Variants in ACD observed in about 807,000 individuals in gnomAD.
The protein encoded by ACD is ACD shelterin complex subunit and telomerase recruitment factor, also known as adrenocortical dysplasia protein homolog.
ACD carries 39 observed loss-of-function variants against 53.9 expected under a neutral mutation model. That is an observed-to-expected ratio of 0.72 (90% CI 0.56 to 0.95). ACD has a LOEUF of 0.95. Among genes scored for constraint, ACD ranks in the 40% least tolerant of loss-of-function variants. ACD has a pLI of 0.00. For synonymous variants in ACD, 273 were observed against 249.2 expected, an observed-to-expected ratio of 1.10 and a Z score of -0.90; for missense variants, 526 against 587.9, an observed-to-expected ratio of 0.89 and a Z score of 1.09.
In ACD at chr16:67,659,978, G is replaced by A; in HGVS notation, c.167C>T (p.Ala56Val). Residue 56 changes from alanine to valine, a missense_variant, in exon 2 of 12, where the codon GCC (alanine) becomes GTC (valine). Physicochemically the swap from Ala to Val is moderately conservative, Grantham distance 64. Coordinates refer to ENST00000620761, the MANE Select transcript of ACD (RefSeq NM_001082486.2). ...GGTCCCGTCAGACACAAGCAGCGTG[G>A]CCCCGACGTCGGACGTATCAGGGGC... ...SHAPDTSDVGATLLVSDGTHS... is the reference protein window; with the variant it reads ...SHAPDTSDVGVTLLVSDGTHS... 6.2e-7 allele frequency: 1 copy of A among 1,609,006 alleles called. No individual in the cohort carries two copies. Among genetic ancestry groups the A allele is most frequent in the Non-Finnish European group, 8.5e-7 (1 of 1,179,020 alleles).
At chr16:67,658,394 C>A (rs766961464) in intron 9 of ACD, 32 bp from the exon 10 acceptor site, 43 of 1,612,612 alleles carry the variant, frequency 2.7e-5, no homozygotes, top group Non-Finnish European at 3.6e-5. Context: ...GTAGGCACAG[C>A]CCTCTCCGCT....
chr16:67,658,830 A>T lies in ACD; in HGVS notation c.646-14T>A. 6.2e-7 allele frequency: 1 copy of T among 1,604,164 alleles called. No homozygotes were observed. Among genetic ancestry groups the T allele is most frequent in the East Asian group, 2.2e-5 (1 of 44,606 alleles). ...CACAGCTTCTCCCTGTGGGACATGA[A>T]CTCTGTAGGACAGGCCCGTTTACTC... is the stretch of plus-strand genomic sequence containing the variant. On this transcript the variant is annotated splice_polypyrimidine_tract_variant and intron_variant, in intron 7 of 11. Coordinates refer to ENST00000620761, the MANE Select transcript of ACD (RefSeq NM_001082486.2).
chr16:67,659,877 C>A, intron 2 of ACD, 26 bp downstream of exon 2: 1 of 1,581,904 alleles, frequency 6.3e-7, no homozygotes, highest in Non-Finnish European at 8.6e-7. Flanking sequence ...GGACTCCGAC[C>A]TCCAGAGCCG....
At position 67,657,967 on chromosome 16, in the gene ACD, G is replaced by T. The variant is rs369838980; in HGVS notation, c.1206+19C>A. 3 of 1,585,978 alleles carry T rather than the reference G, an allele frequency of 1.9e-6. No individual in the cohort carries two copies. In the Admixed American group the frequency reaches 5.1e-5, roughly 27 times the overall value. On this transcript the variant is annotated intron_variant, in intron 10 of 11. Coordinates refer to ENST00000620761, the MANE Select transcript of ACD (RefSeq NM_001082486.2). The surrounding 1 kb of genome is among the most constrained non-coding windows in gnomAD (Gnocchi z 4.5). ...GCCTTCCTTGTTCTACCCTCCAGCT[G>T]CAGAGGGGCTATGCTCACCCAGACA...
At position 67,657,894 on chromosome 16, in the gene ACD, C is replaced by G; in HGVS notation, c.1207-41G>C. ...TGTCTGGGGAAGAGCTAACAAGGAC[C>G]CCAACCCCATCCAAGGCTACCCATG... is the stretch of plus-strand genomic sequence containing the variant. On this transcript the variant is annotated intron_variant, in intron 10 of 11. Transcript: ENST00000620761. The surrounding 1 kb of genome is among the most constrained non-coding windows in gnomAD (Gnocchi z 4.5). 6.2e-7 allele frequency: 1 copy of G among 1,613,362 alleles called. No homozygotes were observed. The highest frequency in any genetic ancestry group is 8.5e-7 in the Non-Finnish European group (1 of 1,179,708).
chr16:67,657,745 C>T lies in ACD; in HGVS notation c.1298+17G>A, dbSNP rs955407976. On this transcript the variant is annotated intron_variant, in intron 11 of 11. Coordinates refer to ENST00000620761, the MANE Select transcript of ACD (RefSeq NM_001082486.2). The surrounding 1 kb of genome is among the most constrained non-coding windows in gnomAD (Gnocchi z 4.5). ...TGGGACTAGTGACCAAGAGTTGGGG[C>T]AGACCCAGGCACTCACCTGACAGCT... The T allele has an allele frequency of 6.2e-7, 1 of 1,614,026 alleles. No homozygotes were observed. The highest frequency in any genetic ancestry group is 8.5e-7 in the Non-Finnish European group (1 of 1,179,988).
rs765992071 is a variant in ACD at position 67,659,627 on chromosome 16, G to A, written c.337-14C>T. ...GAACTCTGCGGGCTGGAGGAGTTCG[G>A]GGGGAAGGGGGGGTCTCAGAATCGT... On this transcript the variant is annotated splice_polypyrimidine_tract_variant and intron_variant, in intron 3 of 11. Coordinates refer to ENST00000620761, the MANE Select transcript of ACD (RefSeq NM_001082486.2). 4.3e-6 allele frequency: 7 copies of A among 1,613,048 alleles called. No homozygotes were observed. The Admixed American group carries it at 1.2e-4, about 27-fold the overall frequency.
Position 67,659,995 on chromosome 16 carries a change from A to G in ACD, c.150T>C (p.Asp50=), listed in dbSNP as rs1464066074. 6 of 1,609,074 alleles carry G rather than the reference A, an allele frequency of 3.7e-6. No individual in the cohort carries two copies. Among genetic ancestry groups the G allele is most frequent in the Non-Finnish European group, 5.1e-6 (6 of 1,178,874 alleles). ...AAVAGPSHAP[D]TSDVGATLLV... is the part of the protein sequence containing the mutation. ...GCAGCGTGGCCCCGACGTCGGACGT[A>G]TCAGGGGCGTGGGATGGGCCCGCGA... Residue 50 remains aspartate, a synonymous_variant, in exon 2 of 12, where the codon GAT becomes GAC. Coordinates refer to ENST00000620761, the MANE Select transcript of ACD (RefSeq NM_001082486.2).
chr16:67,658,203 G>A lies in ACD; in HGVS notation c.989C>T (p.Ser330Phe). ...GCTGGGGGTACGGCTGGCGTGTGGG[G>A]ACCTGGGGGTCAGGGTGGCAGGGGC... is the stretch of plus-strand genomic sequence containing the variant. ...CSAPATLTPR[S>F]PHASRTPSSP... is the part of the protein sequence containing the mutation. Residue 330 changes from serine (S) to phenylalanine (F), a missense_variant, in exon 10 of 12, where the codon TCC (serine) becomes TTC (phenylalanine). Ser to Phe is a radical substitution (Grantham distance 155). Coordinates refer to ENST00000620761, the MANE Select transcript of ACD (RefSeq NM_001082486.2). 1 of 1,613,134 alleles carries A rather than the reference G, an allele frequency of 6.2e-7. No homozygotes were observed. The highest frequency in any genetic ancestry group is 8.5e-7 in the Non-Finnish European group (1 of 1,179,780).
At chr16:67,659,164 A>G (rs1371945572) in intron 6 of ACD, 65 bp downstream of exon 6, 16 of 1,610,530 alleles carry the variant, frequency 9.9e-6, no homozygotes, top group Non-Finnish European at 1.2e-5. Flanking sequence ...TTGAGGAAGC[A>G]TAAGGTTAAG....
At chr16:67,658,473 G>A in intron 9 of ACD, 82 bp downstream of exon 9, 4 of 1,591,512 alleles carry the variant, frequency 2.5e-6, no homozygotes, top group Non-Finnish European at 3.4e-6. Context: ...CACCCACCGT[G>A]CACCTTTCAC....
chr16:67,658,790 G>A lies in ACD; in HGVS notation c.672C>T (p.Ser224=), dbSNP rs759305698. The part of the protein sequence containing the change: ...ATGEAVYTVP[S]SMLCISENDQ... ...CATTCTCAGAGATGCACAGCATTGA[G>A]CTGGGGACAGTGTACACAGCTTCTC... The change falls in exon 8 of 12, where the codon AGC becomes AGT. Residue 224 remains serine, a synonymous_variant. Coordinates refer to ENST00000620761, the MANE Select transcript of ACD (RefSeq NM_001082486.2). The A allele has an allele frequency of 3.7e-6, 6 of 1,613,486 alleles. No homozygotes were observed. In the East Asian group the frequency reaches 1.3e-4, roughly 36 times the overall value.
At position 67,658,279 on chromosome 16, in the gene ACD, G is replaced by C. The variant is rs1473772902; in HGVS notation, c.913C>G (p.Pro305Ala). 6.2e-7 allele frequency: 1 copy of C among 1,613,754 alleles called. No individual in the cohort carries two copies. Among genetic ancestry groups the C allele is most frequent in the South Asian group, 1.1e-5 (1 of 91,088 alleles). Residue 305 changes from proline to alanine, a missense_variant, in exon 10 of 12, where the codon CCA becomes GCA. Pro to Ala is a conservative substitution (Grantham distance 27, BLOSUM62 -1). Transcript: ENST00000620761. The part of the protein sequence containing the change: ...SLLPALSLAA[P>A]DPGQRSSSQP... ...GAGCTGCTTCTCTGCCCTGGGTCTG[G>C]AGCAGCCAAGGACAGGGCAGGCAGA...
At position 67,657,610 on chromosome 16, in the gene ACD, A is replaced by T. The variant is rs1320429671; in HGVS notation, c.1373T>A (p.Met458Lys). Reference protein sequence around the residue: ...DAQPGSEPTPM With the variant: ...DAQPGSEPTPK Reference sequence around the variant, plus strand: ...GTATCTGTCCTGCGTGACGTCTCACATCGGAGTTGGCTCAGACCCTGGCTG... The same window carrying T: ...GTATCTGTCCTGCGTGACGTCTCACTTCGGAGTTGGCTCAGACCCTGGCTG... The change falls in exon 12 of 12, where the codon ATG becomes AAG. Residue 458 changes from methionine to lysine, a missense_variant. Met to Lys is a moderately conservative substitution (Grantham distance 95, BLOSUM62 -1). Coordinates refer to ENST00000620761, the MANE Select transcript of ACD (RefSeq NM_001082486.2). The surrounding 1 kb of genome is among the most constrained non-coding windows in gnomAD (Gnocchi z 4.5). 6.2e-7 allele frequency: 1 copy of T among 1,614,200 alleles called. No homozygotes were observed. The highest frequency in any genetic ancestry group is 8.5e-7 in the Non-Finnish European group (1 of 1,180,040).
rs1435126124 is a variant in ACD, at chr16:67,660,217, C to G, written c.4G>C (p.Ala2Pro). The G allele has an allele frequency of 5.0e-6, 8 of 1,612,626 alleles. No homozygotes were observed. Among genetic ancestry groups the G allele is most frequent in the African/African-American group, 4.0e-5 (3 of 74,932 alleles). ...CGTAGGACCAGCCTCCCCGAACCTG[C>G]CATCCCCACGGCTACACCCAGCGGA... Reference protein sequence around the residue: MAGSGRLVLRPW... With the variant: MPGSGRLVLRPW... The change falls in exon 1 of 12, where the codon GCA becomes CCA. Residue 2 changes from alanine to proline, a missense_variant. Physicochemically the swap from Ala to Pro is conservative, Grantham distance 27. Coordinates refer to ENST00000620761, the MANE Select transcript of ACD (RefSeq NM_001082486.2).
At position 67,658,576 on chromosome 16, in the gene ACD, G is replaced by A; in HGVS notation, c.808C>T (p.Pro270Ser). The A allele has an allele frequency of 1.3e-6, 2 of 1,570,954 alleles. No individual in the cohort carries two copies. The highest frequency in any genetic ancestry group is 3.6e-5 in the Admixed American group (2 of 56,016). The change falls in exon 9 of 12, where the codon CCT (proline) becomes TCT (serine). Residue 270 changes from proline (P) to serine (S), a missense_variant. Pro to Ser is a moderately conservative substitution (Grantham distance 74). Transcript: ENST00000620761. The part of the protein sequence containing the change: ...DLSLTLIASP[P>S]SSPSSSGTPA... ...TCACCTGAGGAACTGGGTGAGGAAG[G>A]AGGAGAGGCTATGAGGGTCAGAGAT...
chr16:67,657,912 T>C lies in ACD; in HGVS notation c.1207-59A>G. 6.2e-7 allele frequency: 1 copy of C among 1,612,346 alleles called. No homozygotes were observed. Among genetic ancestry groups the C allele is most frequent in the Non-Finnish European group, 8.5e-7 (1 of 1,179,038 alleles). On this transcript the variant is annotated intron_variant, in intron 10 of 11. Transcript: ENST00000620761. This position sits in a 1 kb window ranked among gnomAD's most constrained non-coding sequence, Gnocchi z 4.5. ...CAAGGACCCCAACCCCATCCAAGGC[T>C]ACCCATGCTCCCTCCCAGCTCTACC... is the stretch of plus-strand genomic sequence containing the variant.
Position 67,657,809 on chromosome 16 carries a change from C to A in ACD, c.1251G>T (p.Glu417Asp), listed in dbSNP as rs1567639575. The A allele has an allele frequency of 6.2e-7, 1 of 1,614,112 alleles. No homozygotes were observed. The highest frequency in any genetic ancestry group is 8.5e-7 in the Non-Finnish European group (1 of 1,180,034). The change falls in exon 11 of 12, where the codon GAG (glutamate) becomes GAT (aspartate). Residue 417 changes from glutamate (E) to aspartate (D), a missense_variant. Physicochemically the swap from Glu to Asp is conservative, Grantham distance 45. Transcript: ENST00000620761. The surrounding 1 kb of genome is among the most constrained non-coding windows in gnomAD (Gnocchi z 4.5). ...AGAGGGACGTGCAGGGTGGCTCATA[C>A]TCATACTGGAAGGCAGAACCATCAC... is the stretch of plus-strand genomic sequence containing the variant. ...RHRDGSAFQY[E>D]YEPPCTSLCA...
rs138527794 is a variant in ACD at position 67,660,013 on chromosome 16, G to C, written c.132C>G (p.Gly44=). The C allele has an allele frequency of 2.5e-6, 4 of 1,606,592 alleles. No homozygotes were observed. The African/African-American group carries it at 5.3e-5, about 21-fold the overall frequency. Residue 44 remains glycine (G), a synonymous_variant, in exon 2 of 12, where the codon GGC becomes GGG. Coordinates refer to ENST00000620761, the MANE Select transcript of ACD (RefSeq NM_001082486.2). The stretch of plus-strand genomic sequence containing the variant: ...CGGACGTATCAGGGGCGTGGGATGG[G>C]CCCGCGACCGCGGCCTCGGCGTCCT... The part of the protein sequence containing the change: ...VLQDAEAAVA[G]PSHAPDTSDV...
Sources: gnomAD v4.1 joint callset for allele counts on GRCh38, gnomAD v4.1.1 for gene constraint, Gnocchi (gnomAD v3.1) non-coding constraint, MANE v1.5 for transcripts, NCBI Gene and HGNC (gene_info 2026-07-23, HGNC 2026-07-21) for gene names.